The following TEX2 variants were observed in gnomAD, a reference collection of about 807,000 sequenced individuals.
The protein encoded by TEX2 is testis-expressed protein 2.
TEX2 carries 53 observed loss-of-function variants against 106.9 expected under a neutral mutation model. The observed-to-expected ratio is 0.50, with a 90% CI of 0.40 to 0.62. The LOEUF is 0.62. Among genes scored for constraint, TEX2 ranks in the 20% least tolerant of loss-of-function variants. The probability of loss-of-function intolerance (pLI) is 0.00; values close to 1 mark genes in which losing one functional copy is unlikely to be tolerated. For missense variants in TEX2, 1,207 were observed against 1,379.0 expected (o/e 0.88, Z 1.98); for synonymous variants, 523 against 534.8 (o/e 0.98, Z 0.30).
intron 1 of TEX2, among the ~76,000 whole-genome samples, chr17:64,232,698 A>G (rs1302005248): frequency 6.6e-6 from 1 of 152,262 alleles, no homozygotes; most frequent in Non-Finnish European, 1.5e-5. Context: ...TGTCATCCAC[A>G]GCCAATCAGA....
intron 5 of TEX2, among the ~76,000 whole-genome samples, chr17:64,180,350 TG>T (rs2031804867): frequency 6.6e-6 from 1 of 152,244 alleles, no homozygotes; most frequent in Admixed American, 6.5e-5. Flanking sequence ...TCACAATGTA[TG>T]TCCAAGCCAA....
At chr17:64,236,940 T>TA (rs781966146) in intron 1 of TEX2, among the ~76,000 whole-genome samples, 1 of 152,186 alleles carries the variant, frequency 6.6e-6, no homozygotes, top group Non-Finnish European at 1.5e-5. Context: ...ATTCCGGACT[T>TA]ACTTGTTTCC....
In TEX2 at chr17:64,171,126, G is replaced by C. The variant is rs572035181; in HGVS notation, c.2645C>G (p.Ala882Gly). 170 of 1,614,106 alleles carry C rather than the reference G, an allele frequency of 1.1e-4. 1 individual carries two copies. The South Asian group carries it at 1.8e-3, about 17-fold the overall frequency. The change falls in exon 7 of 12, where the codon GCC becomes GGC. Residue 882 changes from alanine to glycine, a missense_variant. Transcript: ENST00000584379. ...MGVAVPKILQ[A>G]FKPYVDHQGL... ...TTGGTGATCAACGTAAGGCTTGAAG[G>C]CCTGGAGGATTTTTGGCACAGCCAC...
chr17:64,189,656 ACT>A, intron 4 of TEX2, among the ~76,000 whole-genome samples: 1 of 152,148 alleles, frequency 6.6e-6, no homozygotes, highest in South Asian at 2.1e-4. Context: ...ATTTAGATTT[ACT>A]CTGATGGCCA....
At chr17:64,259,808 C>T (rs374420626) in intron 1 of TEX2, among the ~76,000 whole-genome samples, 70 of 152,308 alleles carry the variant, frequency 4.6e-4, no homozygotes, top group African/African-American at 1.6e-3. Context: ...TACCCTAGTT[C>T]ATCTAAGACC....
At chr17:64,234,844 T>C (rs2033732828) in intron 1 of TEX2, among the ~76,000 whole-genome samples, 1 of 152,240 alleles carries the variant, frequency 6.6e-6, no homozygotes, top group Non-Finnish European at 1.5e-5. Flanking sequence ...TTACTCTATT[T>C]AAATACAAAG....
chr17:64,239,608 G>A (rs969972356), intron 1 of TEX2, among the ~76,000 whole-genome samples: 1 of 152,088 alleles, frequency 6.6e-6, no homozygotes, highest in African/African-American at 2.4e-5. Flanking sequence ...AGGCATGGCG[G>A]CTCACACCTG....
Position 64,153,974 on chromosome 17 carries a change from G to A in TEX2, c.2931-820C>T, listed in dbSNP as rs898529314. Among the ~76,000 whole-genome samples, 9 of 152,118 alleles carry A rather than the reference G, an allele frequency of 5.9e-5. No homozygotes were observed. Among genetic ancestry groups the A allele is most frequent in the Non-Finnish European group, 1.3e-4 (9 of 68,018 alleles). ...AAACAAAATGCTACACCAAGTTGAC[G>A]TGCTCACAGGCCAAGAAAATAAGCT... On this transcript the variant is annotated intron_variant, in intron 9 of 11. Coordinates refer to ENST00000584379, the MANE Select transcript of TEX2 (RefSeq NM_001288732.2). The surrounding 1 kb of genome is among the most constrained non-coding windows in gnomAD (Gnocchi z 4.1).
chr17:64,159,599 A>G (rs2030792647), intron 8 of TEX2, among the ~76,000 whole-genome samples: 3 of 152,174 alleles, frequency 2.0e-5, no homozygotes. Context: ...AACGTGATGA[A>G]AAGACAGGTT....
chr17:64,218,123 G>C (rs1366509266), intron 1 of TEX2, among the ~76,000 whole-genome samples: 2 of 152,124 alleles, frequency 1.3e-5, no homozygotes, highest in East Asian at 3.9e-4. Context: ...GCTCACACCT[G>C]TAATCCCAGC....
chr17:64,205,117 AG>A lies in TEX2; in HGVS notation c.1644+7456del, dbSNP rs1173174200. On this transcript the variant is annotated intron_variant, in intron 2 of 11. Coordinates refer to ENST00000584379, the MANE Select transcript of TEX2 (RefSeq NM_001288732.2). The surrounding 1 kb of genome is among the most constrained non-coding windows in gnomAD (Gnocchi z 4.0). Reference sequence around the variant, plus strand: ...CAGCTGCCTCTCCAACTTCAACACAAGGGGTACCTTCTGGTAAGTGAGGGCT... The same window carrying A: ...CAGCTGCCTCTCCAACTTCAACACAAGGGTACCTTCTGGTAAGTGAGGGCT... 1.2e-4 allele frequency among the ~76,000 whole-genome samples: 18 copies of A among 152,206 alleles called. No individual in the cohort carries two copies. The highest frequency in any genetic ancestry group is 4.3e-4 in the African/African-American group (18 of 41,454).
At position 64,214,028 on chromosome 17, in the gene TEX2, T is replaced by G. The variant is rs782387468; in HGVS notation, c.190A>C (p.Ser64Arg). The stretch of plus-strand genomic sequence containing the variant: ...TTGGCTTCCAGCCCTGTTACAATGC[T>G]TTGGTCATCCAGCCCCTCCTCAAAG... ...EYFEEGLDDQSIVTGLEAKED... is the reference protein window; with the variant it reads ...EYFEEGLDDQRIVTGLEAKED... The change falls in exon 2 of 12, where the codon AGC becomes CGC. Residue 64 changes from serine to arginine, a missense_variant. Physicochemically the swap from Ser to Arg is moderately radical, Grantham distance 110. Coordinates refer to ENST00000584379, the MANE Select transcript of TEX2 (RefSeq NM_001288732.2). 6.2e-7 allele frequency: 1 copy of G among 1,614,060 alleles called. No individual in the cohort carries two copies. The highest frequency in any genetic ancestry group is 8.5e-7 in the Non-Finnish European group (1 of 1,180,048).
Position 64,195,122 on chromosome 17 carries a change from A to G in TEX2, c.1645-27T>C. ...TGATGAAGAAAAACTTCCATTAGTA[A>G]TATCAGAATAATCGCAAATCTGATT... On this transcript the variant is annotated intron_variant, in intron 2 of 11. Coordinates refer to ENST00000584379, the MANE Select transcript of TEX2 (RefSeq NM_001288732.2). The surrounding 1 kb of genome is among the most constrained non-coding windows in gnomAD (Gnocchi z 4.1). 1 of 1,604,884 alleles carries G rather than the reference A, an allele frequency of 6.2e-7. No individual in the cohort carries two copies. Among genetic ancestry groups the G allele is most frequent in the Non-Finnish European group, 8.5e-7 (1 of 1,171,980 alleles).
chr17:64,179,973 A>G (rs2031788339), intron 5 of TEX2, among the ~76,000 whole-genome samples: 1 of 152,190 alleles, frequency 6.6e-6, no homozygotes, highest in African/African-American at 2.4e-5. Flanking sequence ...ATGCTTGGCC[A>G]TGCCATAACT....
chr17:64,154,880 G>A lies in TEX2; in HGVS notation c.2892C>T (p.Pro964=). 2 of 1,608,624 alleles carry A rather than the reference G, an allele frequency of 1.2e-6. No individual in the cohort carries two copies. Among genetic ancestry groups the A allele is most frequent in the South Asian group, 1.1e-5 (1 of 90,248 alleles). ...GSSEEDDAPE[P]SGGDKQLLPG... ...GGAGGAGCTGTTTGTCTCCCCCGCT[G>A]GGCTCTGGGGCATCGTCTTCCTCGG... Residue 964 remains proline, a synonymous_variant, in exon 9 of 12, where the codon CCC becomes CCT. Transcript: ENST00000584379.
At chr17:64,158,203 A>T (rs537955074) in intron 8 of TEX2, among the ~76,000 whole-genome samples, 7 of 152,262 alleles carry the variant, frequency 4.6e-5, no homozygotes, top group Non-Finnish European at 1.0e-4. Context: ...TTAAAATCTC[A>T]GTCTAACCCT....
At chr17:64,188,831 A>G (rs954461756) in intron 4 of TEX2, among the ~76,000 whole-genome samples, 5 of 151,954 alleles carry the variant, frequency 3.3e-5, no homozygotes, top group Admixed American at 6.6e-5. Context: ...AAAAAAAAAA[A>G]ATTTTATAAG....
chr17:64,249,531 T>C lies in TEX2; in HGVS notation c.-26+13637A>G, dbSNP rs149079524. On this transcript the variant is annotated intron_variant, in intron 1 of 11. Transcript: ENST00000584379. ...CTGTGGGTCAACAAATATACATATA[T>C]TAAATTTGTTTTCAATTGTATTTTT... Among the ~76,000 whole-genome samples the C allele has an allele frequency of 2.6e-5, 4 of 151,580 alleles. No homozygotes were observed. The East Asian group carries it at 7.7e-4, about 29-fold the overall frequency.
chr17:64,190,576 A>G (rs570227960), intron 4 of TEX2, among the ~76,000 whole-genome samples: 1 of 152,272 alleles, frequency 6.6e-6, no homozygotes, highest in Non-Finnish European at 1.5e-5. Context: ...AGTGGGACAA[A>G]GCACAGGAGT....
Sources: allele counts gnomAD v4.1 joint callset (sites outside exome capture counted in the v4.1 genomes callset), GRCh38; gene constraint gnomAD v4.1.1; non-coding constraint Gnocchi (gnomAD v3.1); transcripts MANE v1.5; gene names NCBI Gene and HGNC (gene_info 2026-07-23, HGNC 2026-07-21).